Variants in MATN2 observed in about 807,000 individuals in gnomAD.
The protein encoded by MATN2 is matrilin 2.
MATN2 carries 69 observed loss-of-function variants against 103.2 expected under a neutral mutation model. The observed-to-expected ratio is 0.67, with a 90% CI of 0.55 to 0.82. The LOEUF is 0.82. MATN2 is among the 40% of genes least tolerant of loss of function. The pLI is 0.00. For synonymous variants in MATN2, 429 were observed against 450.2 expected (o/e 0.95, Z 0.60); for missense variants, 1,023 against 1,211.5 (o/e 0.84, Z 2.31).
At chr8:98,003,973 T>A in intron 8 of MATN2, 190 bp downstream of exon 8, 1 of 630,668 alleles carries the variant, frequency 1.6e-6, no homozygotes, top group Non-Finnish European at 2.7e-6. Flanking sequence ...CTAGCCAACT[T>A]GGGTTGCAAG....
At chr8:98,034,916 TAA>T (rs397970246) in intron 18 of MATN2, among the ~76,000 whole-genome samples, 40 of 130,710 alleles carry the variant, frequency 3.1e-4, no homozygotes, top group Admixed American at 3.8e-4. Context: ...GAATCACAAT[TAA>T]AAAAAAAAAA....
At chr8:97,882,742 T>C (rs911772103) in intron 1 of MATN2, among the ~76,000 whole-genome samples, 7 of 152,194 alleles carry the variant, frequency 4.6e-5, no homozygotes, top group South Asian at 2.1e-4. Context: ...GTTACGTCAG[T>C]CTTTTAAAAA....
chr8:97,910,141 A>T (rs1042517790), intron 2 of MATN2, among the ~76,000 whole-genome samples: 1 of 150,468 alleles, frequency 6.6e-6, no homozygotes, highest in African/African-American at 2.5e-5. Context: ...AGCTCACTGC[A>T]ACCTCCGCCT....
At chr8:98,026,282 C>G (rs542328649) in intron 13 of MATN2, among the ~76,000 whole-genome samples, 2 of 144,164 alleles carry the variant, frequency 1.4e-5, no homozygotes, top group African/African-American at 2.6e-5. Flanking sequence ...CGGAGAGATG[C>G]AGGGTCTTGC....
At chr8:97,981,895 C>T (rs146443398) in intron 6 of MATN2, among the ~76,000 whole-genome samples, 2,251 of 152,218 alleles carry the variant, frequency 0.015, 26 homozygotes, top group Non-Finnish European at 0.022. Context: ...AAGTAGATAC[C>T]GCAGCATAGT....
At chr8:97,934,570 A>C (rs1390256783) in intron 3 of MATN2, among the ~76,000 whole-genome samples, 1 of 152,266 alleles carries the variant, frequency 6.6e-6, no homozygotes, top group Admixed American at 6.5e-5. Context: ...AGTCCCAATC[A>C]ATGTAAAAGT....
intron 1 of MATN2, among the ~76,000 whole-genome samples, chr8:97,887,039 G>A (rs967926710): frequency 1.3e-5 from 2 of 151,760 alleles, no homozygotes; most frequent in African/African-American, 4.8e-5. Context: ...CTGCAGGCAC[G>A]AGCCACCACA....
At chr8:98,000,596 C>CAAAAAAAA (rs67682756) in intron 7 of MATN2, among the ~76,000 whole-genome samples, 8 of 49,656 alleles carry the variant, frequency 1.6e-4, no homozygotes, top group Non-Finnish European at 3.2e-4. Flanking sequence ...GACTCCGTCT[C>CAAAAAAAA]AAAAAAAAAA....
chr8:97,898,985 A>G (rs1818902031), intron 2 of MATN2, among the ~76,000 whole-genome samples: 1 of 151,916 alleles, frequency 6.6e-6, no homozygotes. Context: ...CGAACTCCTG[A>G]GCTCAAGCGA....
intron 5 of MATN2, among the ~76,000 whole-genome samples, chr8:97,971,600 A>C (rs1811656502): frequency 6.6e-6 from 1 of 152,188 alleles, no homozygotes; most frequent in South Asian, 2.1e-4. Context: ...CTATTTTTCA[A>C]AGACCATTTA....
chr8:98,033,585 A>G lies in MATN2; in HGVS notation c.2741A>G (p.Asp914Gly). The change falls in exon 18 of 19, where the codon GAT (aspartate) becomes GGT (glycine). Residue 914 changes from aspartate to glycine, a missense_variant. Asp to Gly is a moderately conservative substitution (Grantham distance 94). Transcript: ENST00000254898. ...PSGSPLEEKHDQCKCENLIMF... is the reference protein window; with the variant it reads ...PSGSPLEEKHGQCKCENLIMF... Reference sequence around the variant, plus strand: ...GGAAGCCCTTTGGAAGAAAAACACGATCAATGCAAATGTGAAAACCTTATA... The same window carrying G: ...GGAAGCCCTTTGGAAGAAAAACACGGTCAATGCAAATGTGAAAACCTTATA... 1 of 1,599,452 alleles carries G rather than the reference A, an allele frequency of 6.3e-7. No homozygotes were observed. Among genetic ancestry groups the G allele is most frequent in the Non-Finnish European group, 8.5e-7 (1 of 1,174,122 alleles).
At chr8:97,957,229 C>T (rs1811172447) in intron 4 of MATN2, among the ~76,000 whole-genome samples, 1 of 152,116 alleles carries the variant, frequency 6.6e-6, no homozygotes, top group Admixed American at 6.5e-5. Flanking sequence ...GAAGGCTGTG[C>T]CGGGGCAGGG....
intron 2 of MATN2, among the ~76,000 whole-genome samples, chr8:97,917,664 G>A (rs1184790493): frequency 6.6e-6 from 1 of 152,238 alleles, no homozygotes; most frequent in African/African-American, 2.4e-5. Context: ...CAGGGTGTAT[G>A]TGGGGGAAGA....
intron 4 of MATN2, among the ~76,000 whole-genome samples, chr8:97,951,582 C>T (rs181650647): frequency 7.2e-5 from 11 of 152,168 alleles, no homozygotes; most frequent in African/African-American, 2.4e-4. Flanking sequence ...CAGGGGATGT[C>T]GATGTACGCT....
chr8:97,999,687 C>T (rs1812714644), intron 7 of MATN2, among the ~76,000 whole-genome samples: 1 of 152,070 alleles, frequency 6.6e-6, no homozygotes, highest in African/African-American at 2.4e-5. Context: ...TGGGAGTGAG[C>T]TCCAGAGAGA....
chr8:98,005,778 C>T lies in MATN2; in HGVS notation c.1328-1327C>T, dbSNP rs1016763018. On this transcript the variant is annotated intron_variant, in intron 8 of 18. Coordinates refer to ENST00000254898, the MANE Select transcript of MATN2 (RefSeq NM_002380.5). The surrounding 1 kb of genome is among the most constrained non-coding windows in gnomAD (Gnocchi z 4.6). ...GCATCCTCACAGCCGCCCTACTGGG[C>T]ACCCACATTCTTGTCGCTATTTAAA... Among the ~76,000 whole-genome samples the T allele has an allele frequency of 6.6e-6, 1 of 152,214 alleles. No individual in the cohort carries two copies. Among genetic ancestry groups the T allele is most frequent in the African/African-American group, 2.4e-5 (1 of 41,442 alleles).
At chr8:97,910,061 G>A (rs1468927026) in intron 2 of MATN2, among the ~76,000 whole-genome samples, 1 of 150,494 alleles carries the variant, frequency 6.6e-6, no homozygotes, top group African/African-American at 2.5e-5. Context: ...GGGATTACAG[G>A]CGACTTTTTT....
chr8:98,015,363 C>CAAAAAA (rs1563727177), intron 10 of MATN2, among the ~76,000 whole-genome samples: 1 of 152,136 alleles, frequency 6.6e-6, no homozygotes, highest in Non-Finnish European at 1.5e-5. Context: ...CAGTGACTGC[C>CAAAAAA]CTTCTCTTTC....
chr8:97,948,206 C>T (rs184944293), intron 4 of MATN2, among the ~76,000 whole-genome samples: 41 of 152,226 alleles, frequency 2.7e-4, no homozygotes, highest in Admixed American at 5.9e-4. Context: ...GAAGACAGAA[C>T]GTTGCCTTGT....
Sources: allele counts gnomAD v4.1 joint callset (sites outside exome capture counted in the v4.1 genomes callset), GRCh38; gene constraint gnomAD v4.1.1; non-coding constraint Gnocchi (gnomAD v3.1); transcripts MANE v1.5; gene names NCBI Gene and HGNC (gene_info 2026-07-23, HGNC 2026-07-21).